Variants in FBLN2 observed in about 807,000 individuals in gnomAD.
FBLN2 encodes fibulin 2, also known as fibulin-2.
A neutral mutation model predicts 123.7 loss-of-function variants in FBLN2; 81 were observed. The ratio of observed to expected loss-of-function variants is 0.65; its 90% CI spans 0.55 to 0.79. The LOEUF is 0.79. FBLN2 is among the 30% of genes least tolerant of loss of function. The pLI, the probability that FBLN2 is intolerant of heterozygous loss-of-function variation, is 0.00. For missense variants in FBLN2, 1,603 were observed against 1,681.3 expected, an observed-to-expected ratio of 0.95 and a Z score of 0.81; for synonymous variants, 699 against 701.4, an observed-to-expected ratio of 1.00 and a Z score of 0.05.
At chr3:13,634,095 C>T (rs1706365116) in intron 16 of FBLN2, among the ~76,000 whole-genome samples, 1 of 152,204 alleles carries the variant, frequency 6.6e-6, no homozygotes, top group Non-Finnish European at 1.5e-5. Flanking sequence ...CACTCTCGGT[C>T]TTGCCCCTGA....
chr3:13,577,179 C>T (rs377232698), intron 2 of FBLN2, among the ~76,000 whole-genome samples: 4 of 149,782 alleles, frequency 2.7e-5, no homozygotes, highest in Non-Finnish European at 3.0e-5. Context: ...GCCGAGATTG[C>T]GCCACCGCAC....
At chr3:13,567,071 G>C (rs967265528) in intron 1 of FBLN2, among the ~76,000 whole-genome samples, 2 of 152,340 alleles carry the variant, frequency 1.3e-5, no homozygotes, top group East Asian at 3.9e-4. Context: ...GGGCAAGCCT[G>C]AGGTTTGGGA....
At chr3:13,601,813 T>C (rs1020962144) in intron 2 of FBLN2, among the ~76,000 whole-genome samples, 4 of 152,216 alleles carry the variant, frequency 2.6e-5, no homozygotes, top group African/African-American at 9.6e-5. Context: ...TATTTATTTG[T>C]TTCTTTGAGA....
chr3:13,599,960 A>G (rs531300751), intron 2 of FBLN2, among the ~76,000 whole-genome samples: 2 of 151,336 alleles, frequency 1.3e-5, no homozygotes, highest in South Asian at 2.1e-4. Context: ...GGAGAAGAGA[A>G]GAAGCCCCAG....
At chr3:13,587,687 T>C (rs1704554031) in intron 2 of FBLN2, among the ~76,000 whole-genome samples, 1 of 152,262 alleles carries the variant, frequency 6.6e-6, no homozygotes, top group African/African-American at 2.4e-5. Flanking sequence ...ACTTTAAGTC[T>C]GATAAGAAAC....
intron 2 of FBLN2, 135 bp from the exon 3 acceptor site, chr3:13,607,927 T>TTAGCGACCAGCA: frequency 1.5e-6 from 1 of 653,806 alleles, no homozygotes; most frequent in South Asian, 1.8e-5. Flanking sequence ...TTGTGAGCTG[T>TTAGCGACCAGCA]TAGCGACCAG....
Position 13,571,298 on chromosome 3 carries a change from C to A in FBLN2, c.943C>A (p.Pro315Thr), listed in dbSNP as rs746733242. The change falls in exon 2 of 18, where the codon CCC becomes ACC. Residue 315 changes from proline (P) to threonine (T), a missense_variant. Pro to Thr is a conservative substitution (Grantham distance 38, BLOSUM62 -1). Transcript: ENST00000404922. The stretch of plus-strand genomic sequence containing the variant: ...GCTGCCCACTACAGCCCCAGCTGGA[C>A]CCAGTCTTCCTATCCAGGAGGAGAG... Reference protein sequence around the residue: ...DGLPTTAPAGPSLPIQEERAE... With the variant: ...DGLPTTAPAGTSLPIQEERAE... 6.3e-7 allele frequency: 1 copy of A among 1,585,008 alleles called. No homozygotes were observed. The highest frequency in any genetic ancestry group is 1.3e-5 in the African/African-American group (1 of 74,356).
Position 13,636,359 on chromosome 3 carries a change from G to A in FBLN2, c.3215-86G>A. The stretch of plus-strand genomic sequence containing the variant: ...ATTCTCACAGGTCCGGCTGCCGTGG[G>A]GCCCAGGCCTTTCATGCAGGCTGGG... On this transcript the variant is annotated intron_variant, in intron 16 of 17. Coordinates refer to ENST00000404922, the MANE Select transcript of FBLN2 (RefSeq NM_001004019.2). 2.0e-6 allele frequency: 3 copies of A among 1,535,666 alleles called. No homozygotes were observed. The South Asian group carries it at 3.7e-5, about 19-fold the overall frequency.
intron 16 of FBLN2, among the ~76,000 whole-genome samples, chr3:13,634,315 C>T (rs557722166): frequency 5.9e-5 from 9 of 152,386 alleles, no homozygotes; most frequent in Middle Eastern, 3.4e-3. Context: ...CGTTAGCCTG[C>T]GCTCTCCAGG....
chr3:13,560,428 T>C (rs1236692477), intron 1 of FBLN2, among the ~76,000 whole-genome samples: 1 of 152,166 alleles, frequency 6.6e-6, no homozygotes, highest in African/African-American at 2.4e-5. Flanking sequence ...TGGTCTGTAC[T>C]TCACGTGTAG....
chr3:13,631,219 TA>T, intron 15 of FBLN2, 109 bp from the exon 16 acceptor site: 4 of 1,362,706 alleles, frequency 2.9e-6, no homozygotes, highest in East Asian at 2.5e-5. Flanking sequence ...TGTCTTCATT[TA>T]AAAAATGGGC....
chr3:13,609,565 G>A lies in FBLN2; in HGVS notation c.1471G>A (p.Ala491Thr). 6.4e-7 allele frequency: 1 copy of A among 1,555,836 alleles called. No homozygotes were observed. Among genetic ancestry groups the A allele is most frequent in the African/African-American group, 1.4e-5 (1 of 73,492 alleles). Residue 491 changes from alanine (A) to threonine (T), a missense_variant, in exon 4 of 18, where the codon GCC becomes ACC. Ala to Thr is a moderately conservative substitution (Grantham distance 58). Coordinates refer to ENST00000404922, the MANE Select transcript of FBLN2 (RefSeq NM_001004019.2). ...CTACTTGCAGGAGAAGAGCTGCATG[G>A]CCGGCGTCCTGGGAGCCAAGGAGGG... is the stretch of plus-strand genomic sequence containing the variant. The part of the protein sequence containing the change: ...VSYLQEKSCM[A>T]GVLGAKEGET...
At chr3:13,575,276 C>T (rs1461843967) in intron 2 of FBLN2, among the ~76,000 whole-genome samples, 1 of 152,126 alleles carries the variant, frequency 6.6e-6, no homozygotes, top group Non-Finnish European at 1.5e-5. Context: ...CCCATGAATT[C>T]GTGATGACAA....
In FBLN2 at chr3:13,638,081, G is replaced by A. The variant is rs570964070; in HGVS notation, c.*162G>A. On this transcript the variant is annotated 3_prime_UTR_variant, in exon 18 of 18. Transcript: ENST00000404922. Reference sequence around the variant, plus strand: ...TGGACCCCTCCTCTGCCCCGCAGGAGGAAGTTCCACGGCAGGTGGTGCGTT... The same window carrying A: ...TGGACCCCTCCTCTGCCCCGCAGGAAGAAGTTCCACGGCAGGTGGTGCGTT... 1.4e-6 allele frequency: 1 copy of A among 725,996 alleles called. No individual in the cohort carries two copies. Among genetic ancestry groups the A allele is most frequent in the Non-Finnish European group, 2.3e-6 (1 of 436,952 alleles). 45.0% of individuals were successfully genotyped at this position (725,996 alleles called of 1,614,324 possible).
At chr3:13,558,211 C>T (rs1311686133) in intron 1 of FBLN2, among the ~76,000 whole-genome samples, 1 of 152,210 alleles carries the variant, frequency 6.6e-6, no homozygotes, top group African/African-American at 2.4e-5. Flanking sequence ...CCGGCCCCGC[C>T]TGCCTGTCTC....
intron 16 of FBLN2, among the ~76,000 whole-genome samples, chr3:13,634,021 C>T (rs1055289993): frequency 4.0e-5 from 5 of 126,022 alleles, no homozygotes; most frequent in East Asian, 3.1e-4. Flanking sequence ...GAGTCCCGGT[C>T]GTTTCTGTGT....
intron 2 of FBLN2, among the ~76,000 whole-genome samples, chr3:13,576,762 T>C (rs1047914941): frequency 6.6e-6 from 1 of 151,796 alleles, no homozygotes; most frequent in Non-Finnish European, 1.5e-5. Flanking sequence ...CCAGTATTTA[T>C]AGCGCTCCAA....
chr3:13,590,719 A>G (rs565514068), intron 2 of FBLN2, among the ~76,000 whole-genome samples: 5 of 152,234 alleles, frequency 3.3e-5, no homozygotes, highest in Non-Finnish European at 7.3e-5. Context: ...AAGGTAAGGT[A>G]TTTGAGACTC....
At chr3:13,618,338 G>A in intron 6 of FBLN2, 53 bp downstream of exon 6, 1 of 1,556,924 alleles carries the variant, frequency 6.4e-7, no homozygotes, top group South Asian at 1.1e-5. Flanking sequence ...GATCTTGCCA[G>A]GGGGTGTGGC....
Sources: allele counts gnomAD v4.1 joint callset (sites outside exome capture counted in the v4.1 genomes callset), GRCh38; gene constraint gnomAD v4.1.1; transcripts MANE v1.5; gene names NCBI Gene and HGNC (gene_info 2026-07-23, HGNC 2026-07-21).